COL25A1: variants seen among roughly 807,000 people sequenced by gnomAD.
COL25A1 encodes collagen type XXV alpha 1 chain.
A neutral mutation model predicts 128.4 loss-of-function variants in COL25A1; 103 were observed. The observed-to-expected ratio is 0.80, with a 90% confidence interval of 0.68 to 0.94. COL25A1 has a LOEUF of 0.94. COL25A1 is among the 40% of genes least tolerant of loss of function. The probability of loss-of-function intolerance (pLI) is 0.00; values close to 1 mark genes in which losing one functional copy is unlikely to be tolerated. For synonymous variants in COL25A1, 279 were observed against 277.2 expected, an observed-to-expected ratio of 1.01 and a Z score of -0.06; for missense variants, 745 against 840.0, an observed-to-expected ratio of 0.89 and a Z score of 1.40.
At chr4:108,849,157 T>C (rs1032725908) in intron 26 of COL25A1, among the ~76,000 whole-genome samples, 2 of 152,138 alleles carry the variant, frequency 1.3e-5, no homozygotes, top group African/African-American at 4.8e-5. Context: ...AATTTTTTTC[T>C]CCATACAACC....
At chr4:108,857,294 T>C (rs1736641898) in intron 24 of COL25A1, among the ~76,000 whole-genome samples, 1 of 152,138 alleles carries the variant, frequency 6.6e-6, no homozygotes, top group South Asian at 2.1e-4. Context: ...CAAAACTTTG[T>C]GTTCCCTGTC....
intron 5 of COL25A1, among the ~76,000 whole-genome samples, chr4:109,014,081 C>A (rs1032974525): frequency 3.9e-5 from 6 of 152,138 alleles, no homozygotes; most frequent in South Asian, 2.1e-4. Context: ...CCGAGGTGGG[C>A]GGTTCACTTG....
intron 3 of COL25A1, among the ~76,000 whole-genome samples, chr4:109,128,758 C>A (rs1768880626): frequency 6.6e-6 from 1 of 152,220 alleles, no homozygotes. Context: ...AGGGAATTTT[C>A]TGCTATCTAA....
At chr4:109,274,901 T>C (rs1008217251) in intron 3 of COL25A1, among the ~76,000 whole-genome samples, 1 of 152,230 alleles carries the variant, frequency 6.6e-6, no homozygotes, top group Non-Finnish European at 1.5e-5. Flanking sequence ...TCAGTGTGTG[T>C]CGGCACAGTA....
rs572557594 is a variant in COL25A1, at chr4:109,182,433, A to G, written c.367+118150T>C. On this transcript the variant is annotated intron_variant, in intron 3 of 37. Coordinates refer to ENST00000399132, the MANE Select transcript of COL25A1 (RefSeq NM_198721.4). The stretch of plus-strand genomic sequence containing the variant: ...CATTACTAAGGAAGGCAAAGGGTAA[A>G]CTACAGTATGATTATATTGATCCCA... Among the ~76,000 whole-genome samples, 131 of 152,286 alleles carry G rather than the reference A, an allele frequency of 8.6e-4. 1 individual carries two copies. The South Asian group carries it at 0.01, about 12-fold the overall frequency.
intron 3 of COL25A1, among the ~76,000 whole-genome samples, chr4:109,167,032 A>G (rs1773137358): frequency 6.6e-6 from 1 of 152,184 alleles, no homozygotes; most frequent in African/African-American, 2.4e-5. Context: ...CTAGAAAATG[A>G]ATATGATCAA....
chr4:109,026,190 G>T (rs1460879749), intron 5 of COL25A1, among the ~76,000 whole-genome samples: 1 of 151,002 alleles, frequency 6.6e-6, no homozygotes, highest in East Asian at 1.9e-4. Flanking sequence ...CCTGGGTTAA[G>T]AACCCCTGAC....
intron 36 of COL25A1, among the ~76,000 whole-genome samples, chr4:108,817,996 GA>G (rs954197379): frequency 6.6e-6 from 1 of 152,058 alleles, no homozygotes; most frequent in Admixed American, 6.6e-5. Context: ...ATATTTTTAT[GA>G]TAAAATATTA....
chr4:109,044,384 C>T (rs1174242607), intron 5 of COL25A1, among the ~76,000 whole-genome samples: 1 of 151,196 alleles, frequency 6.6e-6, no homozygotes, highest in Non-Finnish European at 1.5e-5. Flanking sequence ...TAAATTTTAT[C>T]ATTAATACTT....
intron 3 of COL25A1, among the ~76,000 whole-genome samples, chr4:109,113,832 G>C (rs975218199): frequency 1.3e-5 from 2 of 152,036 alleles, no homozygotes; most frequent in African/African-American, 4.8e-5. Flanking sequence ...GATAGACTTA[G>C]AATACAAATC....
intron 3 of COL25A1, among the ~76,000 whole-genome samples, chr4:109,129,786 T>C (rs746530716): frequency 2.6e-5 from 4 of 152,150 alleles, no homozygotes; most frequent in Non-Finnish European, 4.4e-5. Context: ...TAAGAAGTTA[T>C]AGATTGTATA....
chr4:108,950,574 G>A (rs758350898), intron 8 of COL25A1, among the ~76,000 whole-genome samples: 12 of 152,126 alleles, frequency 7.9e-5, no homozygotes, highest in Admixed American at 5.9e-4. Flanking sequence ...CTTTTCTAAA[G>A]ACATACTGAA....
chr4:109,166,267 T>C (rs1051526427), intron 3 of COL25A1, among the ~76,000 whole-genome samples: 3 of 152,212 alleles, frequency 2.0e-5, no homozygotes, highest in Admixed American at 1.3e-4. Flanking sequence ...GTCTAGTAGA[T>C]CAATTGTCTC....
chr4:109,121,041 G>GC (rs1768066677), intron 3 of COL25A1, among the ~76,000 whole-genome samples: 1 of 151,980 alleles, frequency 6.6e-6, no homozygotes, highest in African/African-American at 2.4e-5. Flanking sequence ...TTAATCTATA[G>GC]ATTCAATGCA....
rs376359193 is a variant in COL25A1, at chr4:108,969,577, G to A, written c.492+4790C>T. Among the ~76,000 whole-genome samples the A allele has an allele frequency of 2.0e-4, 30 of 152,090 alleles. No individual in the cohort carries two copies. In the East Asian group the frequency reaches 5.2e-3, roughly 27 times the overall value. Reference sequence around the variant, plus strand: ...AATTGGAGCTTTTGTCCGTATTTTGGTGACCACTTTGGAATCTCTTTCTTG... The same window carrying A: ...AATTGGAGCTTTTGTCCGTATTTTGATGACCACTTTGGAATCTCTTTCTTG... On this transcript the variant is annotated intron_variant, in intron 8 of 37. Transcript: ENST00000399132.
chr4:108,935,155 G>A lies in COL25A1; in HGVS notation c.708+2653C>T, dbSNP rs1747253836. Among the ~76,000 whole-genome samples the A allele has an allele frequency of 2.0e-5, 3 of 152,110 alleles. No homozygotes were observed. In the South Asian group the frequency reaches 6.2e-4, roughly 31 times the overall value. On this transcript the variant is annotated intron_variant, in intron 11 of 37. Transcript: ENST00000399132. ...CCTCCTATTTTTTTAAACAAGCTGT[G>A]AAAGCCATTAAAAGAGGTAGATGAT...
intron 14 of COL25A1, among the ~76,000 whole-genome samples, chr4:108,899,795 T>C (rs1290258113): frequency 2.6e-5 from 4 of 152,048 alleles, no homozygotes; most frequent in African/African-American, 9.7e-5. Flanking sequence ...GGGGCAGAAT[T>C]GAAGTGAGTT....
intron 5 of COL25A1, among the ~76,000 whole-genome samples, chr4:109,019,362 A>T (rs1160517700): frequency 4.6e-5 from 2 of 43,240 alleles, no homozygotes; most frequent in Non-Finnish European, 7.5e-5. Context: ...ACACACACAC[A>T]CACACACACA....
chr4:109,176,543 A>G (rs1003509765), intron 3 of COL25A1, among the ~76,000 whole-genome samples: 1 of 152,186 alleles, frequency 6.6e-6, no homozygotes, highest in African/African-American at 2.4e-5. Context: ...AGAAAGTTCC[A>G]AGAAAAAGAG....
Sources: gnomAD v4.1 joint callset for allele counts (sites outside exome capture counted in the v4.1 genomes callset) on GRCh38, gnomAD v4.1.1 for gene constraint, MANE v1.5 for transcripts, NCBI Gene and HGNC (gene_info 2026-07-23, HGNC 2026-07-21) for gene names.